The following ANTXR1 variants were observed in gnomAD, a reference collection of about 807,000 sequenced individuals.
The protein encoded by ANTXR1 is anthrax toxin receptor 1.
ANTXR1 carries 19 observed loss-of-function variants against 78.1 expected under a neutral mutation model. The observed-to-expected ratio is 0.24, with a 90% confidence interval of 0.17 to 0.36. ANTXR1 has a LOEUF of 0.36. Ranked by LOEUF, ANTXR1 falls within the 10% of genes least tolerant of loss-of-function variation. ANTXR1 has a pLI of 1.00. For missense variants in ANTXR1, 518 were observed against 718.6 expected (o/e 0.72, Z 3.19); for synonymous variants, 273 against 260.5 (o/e 1.05, Z -0.46).
chr2:69,204,428 A>G (rs1558643964), intron 17 of ANTXR1, among the ~76,000 whole-genome samples: 1 of 152,036 alleles, frequency 6.6e-6, no homozygotes, highest in Non-Finnish European at 1.5e-5. Flanking sequence ...CAGACCCTTC[A>G]TTTTAGAGGC....
chr2:69,176,598 T>C (rs2104456952), intron 14 of ANTXR1, among the ~76,000 whole-genome samples: 1 of 152,338 alleles, frequency 6.6e-6, no homozygotes, highest in East Asian at 1.9e-4. Context: ...TAAACAATAT[T>C]GTCGACAGCT....
intron 17 of ANTXR1, among the ~76,000 whole-genome samples, chr2:69,197,895 G>A (rs541788068): frequency 7.2e-5 from 11 of 152,304 alleles, no homozygotes; most frequent in Non-Finnish European, 1.0e-4. Context: ...ATGATATGGC[G>A]TGTCATTCCA....
rs910899340 is a variant in ANTXR1, at chr2:69,055,767, AC to A, written c.296+10955del. On this transcript the variant is annotated intron_variant, in intron 3 of 17. Coordinates refer to ENST00000303714, the MANE Select transcript of ANTXR1 (RefSeq NM_032208.3). ...GTACAATTTATGCTCCAGAAAAAAAACATTATGTGTCTCCTGTGTCTTTGTA... is the reference window on the plus strand; with the variant it reads ...GTACAATTTATGCTCCAGAAAAAAAAATTATGTGTCTCCTGTGTCTTTGTA... Among the ~76,000 whole-genome samples the A allele has an allele frequency of 2.1e-3, 313 of 152,128 alleles. 1 individual carries two copies. The highest frequency in any genetic ancestry group is 7.3e-3 in the African/African-American group (302 of 41,458).
chr2:69,215,405 T>C (rs2104503567), intron 17 of ANTXR1, among the ~76,000 whole-genome samples: 1 of 152,336 alleles, frequency 6.6e-6, no homozygotes, highest in South Asian at 2.1e-4. Context: ...AGGCAACTTA[T>C]TAGAATATCT....
chr2:69,068,900 G>C (rs748861012), intron 3 of ANTXR1, among the ~76,000 whole-genome samples: 1 of 152,162 alleles, frequency 6.6e-6, no homozygotes, highest in Non-Finnish European at 1.5e-5. Context: ...GTTTGAAGTA[G>C]AACTAACAGA....
intron 12 of ANTXR1, among the ~76,000 whole-genome samples, chr2:69,137,910 C>T (rs544775942): frequency 6.6e-6 from 1 of 151,296 alleles, no homozygotes; most frequent in East Asian, 1.9e-4. Flanking sequence ...ATGGTGAAAC[C>T]CCAAATCTAC....
intron 17 of ANTXR1, among the ~76,000 whole-genome samples, chr2:69,234,673 G>T (rs1019657333): frequency 1.3e-5 from 2 of 152,136 alleles, no homozygotes; most frequent in African/African-American, 2.4e-5. Context: ...TGAAGCAGGA[G>T]AATCGCTTGA....
At position 69,013,974 on chromosome 2, in the gene ANTXR1, C is replaced by G. The variant is rs573421535; in HGVS notation, c.152+323C>G. On this transcript the variant is annotated intron_variant, in intron 1 of 17. Transcript: ENST00000303714. The surrounding 1 kb of genome is among the most constrained non-coding windows in gnomAD (Gnocchi z 5.0). The stretch of plus-strand genomic sequence containing the variant: ...TTGCTGAGTTTCTGTGACTCCCTCC[C>G]GTGTTGGTGGGAAAGGCTTGCTTAC... Among the ~76,000 whole-genome samples the G allele has an allele frequency of 7.2e-5, 11 of 152,352 alleles. No homozygotes were observed. The South Asian group carries it at 8.3e-4, about 11-fold the overall frequency.
At chr2:69,150,204 T>C (rs1673352292) in intron 12 of ANTXR1, among the ~76,000 whole-genome samples, 1 of 152,220 alleles carries the variant, frequency 6.6e-6, no homozygotes, top group Non-Finnish European at 1.5e-5. Flanking sequence ...GTGAGCCACA[T>C]CCCAGCTCTG....
chr2:69,216,739 T>C (rs1675188129), intron 17 of ANTXR1, among the ~76,000 whole-genome samples: 2 of 152,226 alleles, frequency 1.3e-5, no homozygotes, highest in South Asian at 4.1e-4. Context: ...TTGTCTATTC[T>C]GTAAATGTTT....
intron 10 of ANTXR1, among the ~76,000 whole-genome samples, chr2:69,114,722 C>T (rs1435492141): frequency 3.3e-5 from 5 of 152,124 alleles, no homozygotes; most frequent in African/African-American, 9.7e-5. Context: ...TATAAAGCTC[C>T]ACCAGGCAGA....
intron 13 of ANTXR1, among the ~76,000 whole-genome samples, chr2:69,162,941 G>T (rs1051626580): frequency 6.6e-6 from 1 of 151,968 alleles, no homozygotes; most frequent in Admixed American, 6.5e-5. Context: ...AAAAGTAATT[G>T]CGGTTTTTGC....
intron 17 of ANTXR1, among the ~76,000 whole-genome samples, chr2:69,208,136 T>C (rs1400520227): frequency 6.6e-6 from 1 of 152,232 alleles, no homozygotes; most frequent in Non-Finnish European, 1.5e-5. Context: ...ACTTGTAGCT[T>C]GGCTTTCAGG....
intron 16 of ANTXR1, among the ~76,000 whole-genome samples, chr2:69,192,720 T>C (rs1674570376): frequency 6.6e-6 from 1 of 152,244 alleles, no homozygotes; most frequent in Non-Finnish European, 1.5e-5. Flanking sequence ...ACATAGTCAC[T>C]CTTCTCCGTT....
In ANTXR1 at chr2:69,218,983, C is replaced by T. The variant is rs189818384; in HGVS notation, c.1434+25568C>T. On this transcript the variant is annotated intron_variant, in intron 17 of 17. Transcript: ENST00000303714. ...CTTAATAACTGCTCCGTTTTGACAT[C>T]GGGAAACCCACTCTAAATTCTGTCA... Among the ~76,000 whole-genome samples the T allele has an allele frequency of 9.8e-4, 149 of 152,238 alleles. 1 individual carries two copies. Among genetic ancestry groups the T allele is most frequent in the African/African-American group, 3.5e-3 (145 of 41,534 alleles).
chr2:69,094,594 G>T (rs1671340322), intron 9 of ANTXR1, among the ~76,000 whole-genome samples: 2 of 152,126 alleles, frequency 1.3e-5, no homozygotes, highest in African/African-American at 4.8e-5. Flanking sequence ...AACAGCCCCT[G>T]CTGTGGAGCC....
intron 10 of ANTXR1, among the ~76,000 whole-genome samples, chr2:69,115,384 AC>A (rs1335981258): frequency 6.6e-6 from 1 of 152,234 alleles, no homozygotes; most frequent in Admixed American, 6.5e-5. Flanking sequence ...TCAGTCGATG[AC>A]CCCAACAGTG....
intron 17 of ANTXR1, among the ~76,000 whole-genome samples, chr2:69,236,336 A>G (rs1675763885): frequency 6.6e-6 from 1 of 152,182 alleles, no homozygotes. Context: ...GTGTGAGTGT[A>G]TATATGTATA....
intron 3 of ANTXR1, among the ~76,000 whole-genome samples, chr2:69,063,295 T>C (rs1366143290): frequency 6.6e-6 from 1 of 151,792 alleles, no homozygotes; most frequent in Non-Finnish European, 1.5e-5. Flanking sequence ...AGGAAAGATA[T>C]ATTAAAGAGA....
Sources: gnomAD v4.1 joint callset for allele counts (sites outside exome capture counted in the v4.1 genomes callset) on GRCh38, gnomAD v4.1.1 for gene constraint, Gnocchi (gnomAD v3.1) non-coding constraint, MANE v1.5 for transcripts, NCBI Gene and HGNC (gene_info 2026-07-23, HGNC 2026-07-21) for gene names.